Variants in TLE4 observed in about 807,000 individuals in gnomAD.
TLE4 encodes transducin-like enhancer protein 4.
In TLE4, 8 loss-of-function variants were observed where a neutral mutation model predicts 92.8. The ratio of observed to expected loss-of-function variants is 0.09; its 90% confidence interval spans 0.05 to 0.16. The LOEUF (loss-of-function observed/expected upper bound fraction) is 0.16. TLE4 is among the 10% of genes least tolerant of loss of function. The probability of loss-of-function intolerance (pLI) is 1.00; values close to 1 mark genes in which losing one functional copy is unlikely to be tolerated. For missense variants in TLE4, 675 were observed against 997.6 expected (o/e 0.68, Z 4.36); for synonymous variants, 371 against 374.1 (o/e 0.99, Z 0.10).
At chr9:79,722,882 T>G in intron 18 of TLE4, 77 bp from the exon 19 acceptor site, 2 of 1,321,922 alleles carry the variant, frequency 1.5e-6, no homozygotes. Flanking sequence ...GTTAATAGTT[T>G]GGTGTTCTAT....
chr9:79,599,237 T>C (rs1283090065), intron 4 of TLE4, among the ~76,000 whole-genome samples: 1 of 152,196 alleles, frequency 6.6e-6, no homozygotes, highest in African/African-American at 2.4e-5. Flanking sequence ...ATTCAAGACC[T>C]TCCATAGTCT....
chr9:79,687,309 C>T (rs1470218812), intron 8 of TLE4, among the ~76,000 whole-genome samples: 3 of 152,230 alleles, frequency 2.0e-5, no homozygotes, highest in East Asian at 3.9e-4. Context: ...CTACGATGTT[C>T]TGGTGTTTCC....
chr9:79,582,879 G>C (rs2040058922), intron 4 of TLE4, among the ~76,000 whole-genome samples: 1 of 152,150 alleles, frequency 6.6e-6, no homozygotes, highest in Non-Finnish European at 1.5e-5. Flanking sequence ...CTGTTGGAGA[G>C]AAGCAGGGGG....
rs1453529162 is a variant in TLE4 at position 79,572,264 on chromosome 9, G to GAAAC, written c.-526_-523dup. On this transcript the variant is annotated 5_prime_UTR_variant, in exon 1 of 20. Coordinates refer to ENST00000376552, the MANE Select transcript of TLE4 (RefSeq NM_007005.6). ...CTGTGAAGTGAAAAAAATCTCCAGAGAAACCAAAAAGCACCGCCGAGACCT... is the reference window on the plus strand; with the variant it reads ...CTGTGAAGTGAAAAAAATCTCCAGAGAAACAAACCAAAAAGCACCGCCGAGACCT... 1 of 152,120 alleles carries GAAAC rather than the reference G, an allele frequency of 6.6e-6. No individual in the cohort carries two copies. Among genetic ancestry groups the GAAAC allele is most frequent in the Non-Finnish European group, 1.5e-5 (1 of 68,026 alleles). 9.4% of individuals were successfully genotyped at this position (152,120 alleles called of 1,614,324 possible). A position where few individuals can be genotyped will look rare whatever the true frequency, so the allele number is the denominator to read the frequency against.
At chr9:79,615,552 A>G (rs1424344673) in intron 5 of TLE4, among the ~76,000 whole-genome samples, 1 of 152,120 alleles carries the variant, frequency 6.6e-6, no homozygotes, top group South Asian at 2.1e-4. Context: ...ATACTGTTAG[A>G]TGAAGTCTCT....
At chr9:79,628,600 CA>C (rs1011558444) in intron 6 of TLE4, among the ~76,000 whole-genome samples, 4 of 149,570 alleles carry the variant, frequency 2.7e-5, no homozygotes, top group Admixed American at 1.3e-4. Context: ...ACCAAAAAAA[CA>C]AAAAAAACCT....
chr9:79,655,665 T>TA (rs1233915918), intron 8 of TLE4, among the ~76,000 whole-genome samples: 5 of 152,232 alleles, frequency 3.3e-5, no homozygotes, highest in Non-Finnish European at 7.3e-5. Flanking sequence ...AAAGCATTCT[T>TA]AAAGTATATT....
intron 2 of TLE4, 39 bp downstream of exon 2, chr9:79,573,825 A>G (rs766552242): frequency 2.1e-6 from 3 of 1,438,658 alleles, no homozygotes; most frequent in South Asian, 1.3e-5. Flanking sequence ...CTGTTTGCTT[A>G]GCTCTTGTCT....
At chr9:79,724,952 T>G (rs773901938) in intron 19 of TLE4, 85 bp from the exon 20 acceptor site, 2 of 893,924 alleles carry the variant, frequency 2.2e-6, no homozygotes, top group Non-Finnish European at 3.4e-6. Context: ...AGGAGCACAT[T>G]ACATTTGCAT....
intron 8 of TLE4, among the ~76,000 whole-genome samples, chr9:79,675,727 T>C (rs2063148385): frequency 1.3e-5 from 2 of 152,274 alleles, no homozygotes; most frequent in South Asian, 4.1e-4. Flanking sequence ...GCTTCTCTTT[T>C]AAACACAGTC....
Sources: allele counts gnomAD v4.1 joint callset (sites outside exome capture counted in the v4.1 genomes callset), GRCh38; gene constraint gnomAD v4.1.1; transcripts MANE v1.5; gene names NCBI Gene and HGNC (gene_info 2026-07-23, HGNC 2026-07-21).